BCAR3: variants seen among roughly 807,000 people sequenced by gnomAD.
BCAR3 encodes the protein BCAR3 adaptor protein, NSP family member, also known as breast cancer anti-estrogen resistance protein 3.
Under a neutral mutation model 80.1 loss-of-function variants are expected in BCAR3, and 37 were observed. That is an observed-to-expected ratio of 0.46 (90% confidence interval 0.36 to 0.61). The LOEUF (loss-of-function observed/expected upper bound fraction) is 0.61, where lower values mean the gene tolerates loss of function less well. Ranked by LOEUF, BCAR3 falls within the 20% of genes least tolerant of loss-of-function variation. The probability of loss-of-function intolerance (pLI) is 0.00; values close to 1 mark genes in which losing one functional copy is unlikely to be tolerated. For missense variants in BCAR3, 978 were observed against 1,068.2 expected (o/e 0.92, Z 1.18); for synonymous variants, 389 against 418.9 (o/e 0.93, Z 0.87).
intron 2 of BCAR3, among the ~76,000 whole-genome samples, chr1:93,659,234 C>T (rs1341621398): frequency 6.6e-6 from 1 of 152,170 alleles, no homozygotes; most frequent in Non-Finnish European, 1.5e-5. Flanking sequence ...GGCTGGAGTG[C>T]AGTGGTGCAA....
chr1:93,783,519 A>G (rs542879374), intron 2 of BCAR3, among the ~76,000 whole-genome samples: 1 of 152,366 alleles, frequency 6.6e-6, no homozygotes, highest in South Asian at 2.1e-4. Context: ...ACATATAGAA[A>G]GAGCACAAAC....
At chr1:93,571,251 G>A (rs1673200489) in intron 9 of BCAR3, among the ~76,000 whole-genome samples, 1 of 151,746 alleles carries the variant, frequency 6.6e-6, no homozygotes, top group Non-Finnish European at 1.5e-5. Context: ...GCTCATGCCT[G>A]TAATTCCAGC....
chr1:93,733,577 C>T (rs762034532), intron 2 of BCAR3, among the ~76,000 whole-genome samples: 7 of 152,190 alleles, frequency 4.6e-5, no homozygotes, highest in Admixed American at 2.6e-4. Context: ...AGGAACTTTG[C>T]GTACCCCAGA....
At chr1:93,767,454 G>A (rs1014927728) in intron 2 of BCAR3, among the ~76,000 whole-genome samples, 1 of 151,146 alleles carries the variant, frequency 6.6e-6, no homozygotes, top group East Asian at 1.9e-4. Context: ...AGCCTGGGAA[G>A]TTGAGGCTGC....
intron 2 of BCAR3, among the ~76,000 whole-genome samples, chr1:93,665,220 T>TG (rs992123533): frequency 1.3e-5 from 2 of 152,116 alleles, no homozygotes; most frequent in Admixed American, 6.5e-5. Flanking sequence ...ACAGGGTCCT[T>TG]GGGGAATGTC....
chr1:93,737,404 A>G (rs1651011938), intron 2 of BCAR3, among the ~76,000 whole-genome samples: 1 of 152,136 alleles, frequency 6.6e-6, no homozygotes, highest in Non-Finnish European at 1.5e-5. Flanking sequence ...GGAGAGAGAG[A>G]TGTACCTAAG....
At position 93,564,457 on chromosome 1, in the gene BCAR3, T is replaced by C. The variant is rs185163669; in HGVS notation, c.2300-2038A>G. On this transcript the variant is annotated intron_variant, in intron 11 of 11. Coordinates refer to ENST00000260502, the MANE Select transcript of BCAR3 (RefSeq NM_003567.4). ...CCACGCCCGGCTAATTTTGTATTTT[T>C]AGTAGAGACGGGGTTTCTCCACGTT... Among the ~76,000 whole-genome samples, 1,360 of 152,046 alleles carry C rather than the reference T, an allele frequency of 8.9e-3. 22 individuals are homozygous for C. Among genetic ancestry groups the C allele is most frequent in the African/African-American group, 0.031 (1,284 of 41,480 alleles).
At chr1:93,651,188 T>C (rs902284859) in intron 2 of BCAR3, among the ~76,000 whole-genome samples, 1 of 152,180 alleles carries the variant, frequency 6.6e-6, no homozygotes, top group Non-Finnish European at 1.5e-5. Context: ...ACAGGCTGCT[T>C]GTCAGTAACA....
At chr1:93,674,576 A>C in intron 2 of BCAR3, 38 bp downstream of exon 2, 1 of 1,603,544 alleles carries the variant, frequency 6.2e-7, no homozygotes, top group South Asian at 1.1e-5. Flanking sequence ...AAGCTGTTTA[A>C]GACAAATCAT....
At chr1:93,692,349 G>A (rs766041462) in intron 3 of BCAR3, among the ~76,000 whole-genome samples, 2 of 152,134 alleles carry the variant, frequency 1.3e-5, no homozygotes, top group Non-Finnish European at 2.9e-5. Flanking sequence ...TGGTGCTGTC[G>A]ACAGTACTGA....
intron 3 of BCAR3, among the ~76,000 whole-genome samples, chr1:93,627,639 A>G (rs999515501): frequency 3.3e-5 from 5 of 152,262 alleles, no homozygotes; most frequent in African/African-American, 1.2e-4. Flanking sequence ...TCACTGGTAT[A>G]TAATGGGTTT....
chr1:93,692,577 A>G (rs1224015022), intron 3 of BCAR3, among the ~76,000 whole-genome samples: 1 of 152,184 alleles, frequency 6.6e-6, no homozygotes, highest in Non-Finnish European at 1.5e-5. Flanking sequence ...CAACCTAGAG[A>G]GGTGGGGGTT....
At chr1:93,708,448 G>C (rs1649902143) in intron 2 of BCAR3, among the ~76,000 whole-genome samples, 1 of 152,096 alleles carries the variant, frequency 6.6e-6, no homozygotes. Context: ...ATCTCACATA[G>C]CTAATCCAAC....
rs1415364129 is a variant in BCAR3, at chr1:93,707,802, GA to G, written c.-62-1661del. 3.3e-5 allele frequency among the ~76,000 whole-genome samples: 5 copies of G among 152,140 alleles called. No individual in the cohort carries two copies. The East Asian group carries it at 9.6e-4, about 29-fold the overall frequency. ...CTGAAGCTGGACATTAGATCAAAAA[GA>G]AAACAACGTAATATTAAATGCTTGT... On this transcript the variant is annotated intron_variant, in intron 2 of 13. Transcript: ENST00000370244.
At chr1:93,847,394 G>GT (rs1370251552), upstream of BCAR3, 3 of 153,914 alleles carry the variant, frequency 1.9e-5, no homozygotes, top group Non-Finnish European at 4.3e-5. Context: ...CGCCGACCTT[G>GT]TTGAGGGGCG....
intron 2 of BCAR3, among the ~76,000 whole-genome samples, chr1:93,777,931 A>G (rs569568585): frequency 6.6e-6 from 1 of 152,306 alleles, no homozygotes; most frequent in South Asian, 2.1e-4. Flanking sequence ...ACATCATTAT[A>G]AACTTGTGAA....
chr1:93,659,950 G>C (rs1292929), intron 2 of BCAR3, among the ~76,000 whole-genome samples: 51,769 of 152,048 alleles, frequency 0.34, 13,266 homozygotes, highest in African/African-American at 0.73. Context: ...TCCCGTCTAT[G>C]TCCCTTACTG....
intron 2 of BCAR3, among the ~76,000 whole-genome samples, chr1:93,801,660 T>A (rs1653482986): frequency 6.6e-6 from 1 of 152,224 alleles, no homozygotes; most frequent in African/African-American, 2.4e-5. Context: ...GCTGTTTGTT[T>A]ATGAAGACAG....
rs1197472599 is a variant in BCAR3 at position 93,582,590 on chromosome 1, G to A, written c.1397C>T (p.Pro466Leu). 15 of 1,613,578 alleles carry A rather than the reference G, an allele frequency of 9.3e-6. No individual in the cohort carries two copies. The highest frequency in any genetic ancestry group is 1.2e-5 in the Non-Finnish European group (14 of 1,179,828). Residue 466 changes from proline (P) to leucine (L), a missense_variant, in exon 7 of 12, where the codon CCA becomes CTA. By Grantham distance (98) the Pro-to-Leu change is moderately conservative. Transcript: ENST00000260502. ...GTTGACGCCAGAGTTCCGGGGACCTGGCGCCTCATTCTGCTTGGCTGTGAG... is the reference window on the plus strand; with the variant it reads ...GTTGACGCCAGAGTTCCGGGGACCTAGCGCCTCATTCTGCTTGGCTGTGAG... Reference protein sequence around the residue: ...ELLTAKQNEAPGPRNSGVNYL... With the variant: ...ELLTAKQNEALGPRNSGVNYL...
Sources: gnomAD v4.1 joint callset for allele counts (sites outside exome capture counted in the v4.1 genomes callset) on GRCh38, gnomAD v4.1.1 for gene constraint, MANE v1.5 for transcripts, NCBI Gene and HGNC (gene_info 2026-07-23, HGNC 2026-07-21) for gene names.